SLIT3: variants seen among roughly 807,000 people sequenced by gnomAD.
SLIT3 encodes slit guidance ligand 3.
A neutral mutation model predicts 184.0 loss-of-function variants in SLIT3; 68 were observed. The observed-to-expected ratio is 0.37, with a 90% confidence interval of 0.30 to 0.45. The LOEUF is 0.45. SLIT3 is among the 20% of genes least tolerant of loss of function. SLIT3 has a pLI of 1.00. For missense variants in SLIT3, 1,707 were observed against 2,026.0 expected (o/e 0.84, Z 3.02); for synonymous variants, 831 against 828.6 (o/e 1.00, Z -0.05).
At chr5:168,919,489 A>G (rs1049002451) in intron 4 of SLIT3, among the ~76,000 whole-genome samples, 1 of 152,156 alleles carries the variant, frequency 6.6e-6, no homozygotes, top group Non-Finnish European at 1.5e-5. Context: ...AAAACAGTAA[A>G]CTTTAAAATG....
intron 32 of SLIT3, among the ~76,000 whole-genome samples, chr5:168,678,409 G>C (rs1761479308): frequency 6.6e-6 from 1 of 152,154 alleles, no homozygotes; most frequent in Admixed American, 6.5e-5. Context: ...TTACATCCTT[G>C]AATTCTCCCT....
intron 4 of SLIT3, among the ~76,000 whole-genome samples, chr5:169,021,802 G>A (rs1010374331): frequency 1.3e-5 from 2 of 152,138 alleles, no homozygotes; most frequent in Admixed American, 6.5e-5. Flanking sequence ...TTAATTCTTC[G>A]TCTCTCAGTT....
intron 4 of SLIT3, among the ~76,000 whole-genome samples, chr5:169,077,945 C>G (rs1056997612): frequency 2.0e-5 from 3 of 152,098 alleles, no homozygotes; most frequent in Admixed American, 6.5e-5. Flanking sequence ...TACACACAGC[C>G]AGTTTGTTGC....
intron 4 of SLIT3, among the ~76,000 whole-genome samples, chr5:169,132,162 C>A (rs876285): frequency 6.6e-6 from 1 of 151,788 alleles, no homozygotes; most frequent in Non-Finnish European, 1.5e-5. Context: ...TGCCTGTGGA[C>A]GATAACGGGG....
chr5:168,920,412 C>T (rs1336591689), intron 4 of SLIT3, among the ~76,000 whole-genome samples: 1 of 152,138 alleles, frequency 6.6e-6, no homozygotes, highest in Non-Finnish European at 1.5e-5. Context: ...ATCACAATAG[C>T]CACACACACC....
chr5:168,971,044 T>G (rs1179426025), intron 4 of SLIT3, among the ~76,000 whole-genome samples: 1 of 152,218 alleles, frequency 6.6e-6, no homozygotes, highest in African/African-American at 2.4e-5. Flanking sequence ...GGCCAGATGT[T>G]ACTCTAGATG....
At chr5:169,035,103 T>G (rs1376028588) in intron 4 of SLIT3, among the ~76,000 whole-genome samples, 1 of 152,066 alleles carries the variant, frequency 6.6e-6, no homozygotes, top group African/African-American at 2.4e-5. Context: ...AATTTTTATG[T>G]GAACTGAGAC....
At position 168,710,973 on chromosome 5, in the gene SLIT3, T is replaced by C; in HGVS notation, c.2641A>G (p.Ile881Val). 1 of 1,567,908 alleles carries C rather than the reference T, an allele frequency of 6.4e-7. No homozygotes were observed. The highest frequency in any genetic ancestry group is 1.3e-5 in the African/African-American group (1 of 74,218). The change falls in exon 25 of 36, where the codon ATC (isoleucine) becomes GTC (valine). Residue 881 changes from isoleucine to valine, a missense_variant. Transcript: ENST00000519560. The stretch of plus-strand genomic sequence containing the variant: ...GGCTCAGGGCTACTGCAGCGGGCGA[T>C]GCCAGGCTCCTTGTACCCCGCCTTC... ...WVKAGYKEPG[I>V]ARCSSPEPMA... is the part of the protein sequence containing the mutation.
chr5:169,038,276 T>C (rs1331869405), intron 4 of SLIT3, among the ~76,000 whole-genome samples: 1 of 152,202 alleles, frequency 6.6e-6, no homozygotes, highest in Non-Finnish European at 1.5e-5. Context: ...GAATGCCTGG[T>C]ACAATAGGGA....
Position 168,905,678 on chromosome 5 carries a change from CA to C in SLIT3, c.414-22343del, listed in dbSNP as rs564495934. Among the ~76,000 whole-genome samples, 465 of 152,220 alleles carry C rather than the reference CA, an allele frequency of 3.1e-3. 2 individuals are homozygous for C. The highest frequency in any genetic ancestry group is 5.2e-3 in the Non-Finnish European group (353 of 68,022). ...ATACTAGGCAACTTTCCCTAGGGTA[CA>C]GGGAAAAGTGGTATTGGAATTCCAC... On this transcript the variant is annotated intron_variant, in intron 4 of 35. Transcript: ENST00000519560.
chr5:168,750,823 C>T (rs1320209220), intron 18 of SLIT3, among the ~76,000 whole-genome samples: 3 of 152,004 alleles, frequency 2.0e-5, no homozygotes, highest in African/African-American at 7.2e-5. Context: ...ATTAAGGATG[C>T]AGCAGTGAAC....
At chr5:168,723,697 C>T (rs898756020) in intron 21 of SLIT3, among the ~76,000 whole-genome samples, 2 of 152,204 alleles carry the variant, frequency 1.3e-5, no homozygotes, top group South Asian at 2.1e-4. Flanking sequence ...CTGCCAGCTG[C>T]AACCTCGAGC....
At chr5:169,263,719 C>G (rs781101814) in intron 1 of SLIT3, 2 of 509,846 alleles carry the variant, frequency 3.9e-6, no homozygotes, top group Non-Finnish European at 4.0e-6. Context: ...CCTCCCCCAG[C>G]TGCTCCATCT....
chr5:169,039,256 G>A (rs1757364205), intron 4 of SLIT3, among the ~76,000 whole-genome samples: 1 of 151,798 alleles, frequency 6.6e-6, no homozygotes. Context: ...AGAGAGAGAA[G>A]GCTACTTTCA....
At chr5:169,141,224 T>C (rs1761724751) in intron 4 of SLIT3, among the ~76,000 whole-genome samples, 1 of 152,132 alleles carries the variant, frequency 6.6e-6, no homozygotes, top group South Asian at 2.1e-4. Context: ...ATCATGGAAC[T>C]ATACACAAAG....
At chr5:168,759,143 T>G (rs2337555) in intron 16 of SLIT3, among the ~76,000 whole-genome samples, 1 of 152,062 alleles carries the variant, frequency 6.6e-6, no homozygotes, top group Non-Finnish European at 1.5e-5. Context: ...CCTGATCCCA[T>G]GCATTTCAGA....
intron 4 of SLIT3, among the ~76,000 whole-genome samples, chr5:169,101,977 C>T (rs1760036825): frequency 6.6e-6 from 1 of 152,226 alleles, no homozygotes; most frequent in South Asian, 2.1e-4. Flanking sequence ...ACTGACCATT[C>T]AGCGCCACAG....
intron 3 of SLIT3, among the ~76,000 whole-genome samples, chr5:169,229,832 A>G (rs1764937567): frequency 6.6e-6 from 1 of 152,130 alleles, no homozygotes; most frequent in Non-Finnish European, 1.5e-5. Context: ...CATGCATTTA[A>G]CTTGTAAGTG....
intron 4 of SLIT3, among the ~76,000 whole-genome samples, chr5:168,897,382 G>T (rs1018373766): frequency 2.0e-5 from 3 of 152,038 alleles, no homozygotes; most frequent in Non-Finnish European, 4.4e-5. Flanking sequence ...GTCCATGAAC[G>T]TGTGATCCCT....
Sources: gnomAD v4.1 joint callset for allele counts (sites outside exome capture counted in the v4.1 genomes callset) on GRCh38, gnomAD v4.1.1 for gene constraint, MANE v1.5 for transcripts, NCBI Gene and HGNC (gene_info 2026-07-23, HGNC 2026-07-21) for gene names.